Variants in PAFAH1B3 observed in about 807,000 individuals in gnomAD.
PAFAH1B3 encodes the protein platelet activating factor acetylhydrolase 1b catalytic subunit 3.
A neutral mutation model predicts 24.4 loss-of-function variants in PAFAH1B3; 15 were observed. The ratio of observed to expected loss-of-function variants is 0.62; its 90% CI spans 0.41 to 0.95. The LOEUF is 0.95. Ranked by LOEUF, PAFAH1B3 falls within the 40% of genes least tolerant of loss-of-function variation. PAFAH1B3 has a pLI of 0.00. For synonymous variants in PAFAH1B3, 144 were observed against 126.5 expected, an observed-to-expected ratio of 1.14 and a Z score of -0.93; for missense variants, 266 against 312.2, an observed-to-expected ratio of 0.85 and a Z score of 1.12.
chr19:42,298,694 C>T (rs1419877080), intron 4 of PAFAH1B3, among the ~76,000 whole-genome samples: 3 of 152,212 alleles, frequency 2.0e-5, no homozygotes, highest in African/African-American at 4.8e-5. Flanking sequence ...GTCACCCGGG[C>T]GAGAGTGCAG....
intron 4 of PAFAH1B3, among the ~76,000 whole-genome samples, chr19:42,297,938 T>A (rs980410298): frequency 6.6e-6 from 1 of 151,962 alleles, no homozygotes; most frequent in African/African-American, 2.4e-5. Context: ...CTCACGCCTG[T>A]AATCCCAGCA....
chr19:42,297,833 A>G (rs1419836984), intron 4 of PAFAH1B3, among the ~76,000 whole-genome samples: 1 of 151,358 alleles, frequency 6.6e-6, no homozygotes, highest in Admixed American at 6.6e-5. Context: ...TCGGCCTCCC[A>G]AAGTGCTGGG....
upstream of PAFAH1B3, chr19:42,302,658 A>T (rs989997145): frequency 3.2e-6 from 1 of 311,796 alleles, no homozygotes; most frequent in Non-Finnish European, 6.1e-6. Flanking sequence ...GGCGGGGAGG[A>T]GGGAGAAACC....
At chr19:42,298,994 T>C (rs2038578008) in intron 4 of PAFAH1B3, among the ~76,000 whole-genome samples, 1 of 151,524 alleles carries the variant, frequency 6.6e-6, no homozygotes. Flanking sequence ...TTTGTATTTT[T>C]AGTAGAAACG....
chr19:42,300,331 A>T (rs766155114), intron 2 of PAFAH1B3, 44 bp from the exon 3 acceptor site: 1 of 1,514,500 alleles, frequency 6.6e-7, no homozygotes, highest in Non-Finnish European at 9.2e-7. Flanking sequence ...TAGGGGCACA[A>T]GGGCACTGTC....
chr19:42,299,442 T>G (rs1373979758), intron 4 of PAFAH1B3, among the ~76,000 whole-genome samples: 1 of 149,958 alleles, frequency 6.7e-6, no homozygotes, highest in Non-Finnish European at 1.5e-5. Flanking sequence ...TTTTTTTTTT[T>G]GAGACGGAGT....
chr19:42,300,603 C>T (rs1262152786), intron 2 of PAFAH1B3, among the ~76,000 whole-genome samples: 4 of 151,298 alleles, frequency 2.6e-5, no homozygotes, highest in Admixed American at 6.6e-5. Flanking sequence ...CTGCAACCTC[C>T]GCCTCCCTAG....
At chr19:42,300,462 T>C (rs1211194909) in intron 2 of PAFAH1B3, among the ~76,000 whole-genome samples, 175 bp from the exon 3 acceptor site, 2 of 152,260 alleles carry the variant, frequency 1.3e-5, no homozygotes, top group African/African-American at 4.8e-5. Flanking sequence ...GAACCTCACT[T>C]TATAGAAATC....
chr19:42,297,075 T>C lies in PAFAH1B3; in HGVS notation c.*3A>G. ...TTAATGTTGTGGGAAGGCAGCAGGA[T>C]GCTTAGGGTGCGGGCTCCAGCAGGG... is the stretch of plus-strand genomic sequence containing the variant. On this transcript the variant is annotated 3_prime_UTR_variant, in exon 5 of 5. Transcript: ENST00000262890. 1 of 1,595,336 alleles carries C rather than the reference T, an allele frequency of 6.3e-7. No individual in the cohort carries two copies. Among genetic ancestry groups the C allele is most frequent in the Non-Finnish European group, 8.6e-7 (1 of 1,164,702 alleles).
intron 4 of PAFAH1B3, among the ~76,000 whole-genome samples, chr19:42,298,032 C>G (rs2038564389): frequency 6.6e-6 from 1 of 151,230 alleles, no homozygotes; most frequent in Admixed American, 6.6e-5. Flanking sequence ...CCATCTCTAA[C>G]AAAAATACAC....
Position 42,300,278 on chromosome 19 carries a change from C to G in PAFAH1B3, c.178G>C (p.Glu60Gln). 6.2e-7 allele frequency: 1 copy of G among 1,614,130 alleles called. No homozygotes were observed. The highest frequency in any genetic ancestry group is 8.5e-7 in the Non-Finnish European group (1 of 1,179,998). The change falls in exon 3 of 5, where the codon GAG becomes CAG. Residue 60 changes from glutamate to glutamine, a missense_variant. By Grantham distance (29) the Glu-to-Gln change is conservative. Coordinates refer to ENST00000262890, the MANE Select transcript of PAFAH1B3 (RefSeq NM_002573.4). ...QLMHQCEIWR[E>Q]LFSPLHALNF... is the part of the protein sequence containing the mutation. ...AGTGCATGCAGAGGAGAGAAGAGCTCGCGCCAGATCTGTGGGCAAGAAGTG... is the reference window on the plus strand; with the variant it reads ...AGTGCATGCAGAGGAGAGAAGAGCTGGCGCCAGATCTGTGGGCAAGAAGTG...
chr19:42,297,734 C>T (rs894673567), intron 4 of PAFAH1B3, among the ~76,000 whole-genome samples: 1 of 152,098 alleles, frequency 6.6e-6, no homozygotes, highest in African/African-American at 2.4e-5. Context: ...CCATCATGCC[C>T]GGCTAATTTT....
Position 42,301,986 on chromosome 19 carries a change from G to A in PAFAH1B3, c.132C>T (p.Ile44=), listed in dbSNP as rs1439704851. 1 of 1,568,358 alleles carries A rather than the reference G, an allele frequency of 6.4e-7. No individual in the cohort carries two copies. The highest frequency in any genetic ancestry group is 8.6e-7 in the Non-Finnish European group (1 of 1,156,792). The change falls in exon 2 of 5, where the codon ATC becomes ATT. Residue 44 remains isoleucine, a synonymous_variant. Coordinates refer to ENST00000262890, the MANE Select transcript of PAFAH1B3 (RefSeq NM_002573.4). ...GCATGAGCTGGACCAAGGAGTCCCC[G>A]ATGAAGACGACTTCGGGTTCCTTAT... ...SKDKEPEVVF[I]GDSLVQLMHQ...
chr19:42,302,568 C>G lies in PAFAH1B3; in HGVS notation c.-259G>C. On this transcript the variant is annotated 5_prime_UTR_variant, in exon 1 of 5. Transcript: ENST00000262890. Reference sequence around the variant, plus strand: ...CGCACAGTGGGCTCGCCCGGCGCTTCCCGCTCGGGCCGCTGACTCCCAGGC... The same window carrying G: ...CGCACAGTGGGCTCGCCCGGCGCTTGCCGCTCGGGCCGCTGACTCCCAGGC... 1 of 444,878 alleles carries G rather than the reference C, an allele frequency of 2.2e-6. No homozygotes were observed. Among genetic ancestry groups the G allele is most frequent in the South Asian group, 3.1e-5 (1 of 32,654 alleles). 27.6% of individuals were successfully genotyped at this position (444,878 alleles called of 1,614,324 possible). A position where few individuals can be genotyped will look rare whatever the true frequency, so the allele number is the denominator to read the frequency against.
rs1037115848 is a variant in PAFAH1B3, at chr19:42,302,419, G to A, written c.-110C>T. 10 of 979,494 alleles carry A rather than the reference G, an allele frequency of 1.0e-5. No homozygotes were observed. The highest frequency in any genetic ancestry group is 2.8e-4 in the Middle Eastern group (1 of 3,530). 60.7% of individuals were successfully genotyped at this position (979,494 alleles called of 1,614,324 possible). ...CTACCCCTCGCGGCAACAAAGGACCGTCCCAACGCTAGCACACCCGCGGAG... is the reference window on the plus strand; with the variant it reads ...CTACCCCTCGCGGCAACAAAGGACCATCCCAACGCTAGCACACCCGCGGAG... On this transcript the variant is annotated 5_prime_UTR_variant, in exon 1 of 5. It adds an upstream start codon to the 5' untranslated region. Transcript: ENST00000262890.
chr19:42,298,080 C>A (rs2038564973), intron 4 of PAFAH1B3, among the ~76,000 whole-genome samples: 1 of 151,956 alleles, frequency 6.6e-6, no homozygotes, highest in Non-Finnish European at 1.5e-5. Context: ...GCCTGTAGTC[C>A]CAGCTACTCG....
rs746347569 is a variant in PAFAH1B3, at chr19:42,297,094, AG to A, written c.679del (p.Leu227TrpfsTer15). ...AQDQGQGAPL[L>X]EPAP is the part of the protein sequence containing the mutation. ...GCAGGATGCTTAGGGTGCGGGCTCC[AG>A]CAGGGGAGCACCTTGGCCCTGGTCT... is the stretch of plus-strand genomic sequence containing the variant. On this transcript the variant is annotated frameshift_variant, in exon 5 of 5. Transcript: ENST00000262890. LOFTEE classifies it high-confidence loss of function. 62 of 1,602,820 alleles carry A rather than the reference AG, an allele frequency of 3.9e-5. No individual in the cohort carries two copies. In the South Asian group the frequency reaches 6.5e-4, roughly 17 times the overall value.
chr19:42,298,687 AC>A (rs1402068531), intron 4 of PAFAH1B3, among the ~76,000 whole-genome samples: 2 of 152,138 alleles, frequency 1.3e-5, no homozygotes, highest in African/African-American at 4.8e-5. Context: ...GGTCTCTGTC[AC>A]CCGGGCGAGA....
At chr19:42,301,927 AG>A in intron 2 of PAFAH1B3, 22 bp downstream of exon 2, 1 of 1,536,078 alleles carries the variant, frequency 6.5e-7, no homozygotes, top group Non-Finnish European at 8.8e-7. Flanking sequence ...TGGATGGGGC[AG>A]GGGGAGAGGG....
Sources: gnomAD v4.1 joint callset for allele counts (sites outside exome capture counted in the v4.1 genomes callset) on GRCh38, gnomAD v4.1.1 for gene constraint, MANE v1.5 for transcripts, NCBI Gene and HGNC (gene_info 2026-07-23, HGNC 2026-07-21) for gene names.